LHFPL3: variants seen among roughly 807,000 people sequenced by gnomAD.
LHFPL3 encodes LHFPL tetraspan subfamily member 3.
Under a neutral mutation model 19.3 loss-of-function variants are expected in LHFPL3, and 5 were observed. That is an observed-to-expected ratio of 0.26 (90% CI 0.14 to 0.54). The LOEUF (loss-of-function observed/expected upper bound fraction) is 0.54. Among genes scored for constraint, LHFPL3 ranks in the 20% least tolerant of loss-of-function variants. The probability of loss-of-function intolerance (pLI) is 0.94; values close to 1 mark genes in which losing one functional copy is unlikely to be tolerated. For missense variants in LHFPL3, 249 were observed against 307.4 expected, an observed-to-expected ratio of 0.81 and a Z score of 1.42; for synonymous variants, 133 against 126.2, an observed-to-expected ratio of 1.05 and a Z score of -0.36.
At chr7:104,488,438 A>G (rs2188172) in intron 1 of LHFPL3, among the ~76,000 whole-genome samples, 56,355 of 151,996 alleles carry the variant, frequency 0.37, 11,641 homozygotes, top group Middle Eastern at 0.52. Context: ...AAAAGGGCCA[A>G]GAAGGCAGTC....
intron 1 of LHFPL3, among the ~76,000 whole-genome samples, chr7:104,418,577 T>A (rs1299392888): frequency 6.6e-6 from 1 of 152,124 alleles, no homozygotes; most frequent in African/African-American, 2.4e-5. Flanking sequence ...TCGCTTTGAA[T>A]TAGTGAAAGA....
intron 1 of LHFPL3, among the ~76,000 whole-genome samples, chr7:104,558,423 T>C (rs1465845494): frequency 6.6e-6 from 1 of 151,896 alleles, no homozygotes; most frequent in African/African-American, 2.4e-5. Context: ...ATTTCTCTGA[T>C]GGCCAGTGAT....
At chr7:104,658,401 T>C (rs1792157817) in intron 1 of LHFPL3, among the ~76,000 whole-genome samples, 1 of 152,230 alleles carries the variant, frequency 6.6e-6, no homozygotes, top group Admixed American at 6.5e-5. Context: ...TTACTCCTTT[T>C]GCTACACAGC....
chr7:104,474,616 G>T (rs1000037390), intron 1 of LHFPL3, among the ~76,000 whole-genome samples: 1 of 139,744 alleles, frequency 7.2e-6, no homozygotes, highest in African/African-American at 2.7e-5. Context: ...GCAGTAAGCA[G>T]ATATTGTGCC....
chr7:104,476,648 C>T (rs138235716), intron 1 of LHFPL3, among the ~76,000 whole-genome samples: 4,168 of 152,168 alleles, frequency 0.027, 193 homozygotes, highest in African/African-American at 0.093. Flanking sequence ...TCAGTAGAGA[C>T]GGTGTTTCTC....
chr7:104,394,280 A>G (rs1286138251), intron 1 of LHFPL3, among the ~76,000 whole-genome samples: 1 of 152,198 alleles, frequency 6.6e-6, no homozygotes, highest in Non-Finnish European at 1.5e-5. Flanking sequence ...ATCATTTCTA[A>G]CAAGCTCCCA....
intron 1 of LHFPL3, among the ~76,000 whole-genome samples, chr7:104,497,074 A>G (rs984780516): frequency 2.6e-5 from 4 of 152,158 alleles, no homozygotes; most frequent in Non-Finnish European, 5.9e-5. Flanking sequence ...CTTGGACTAT[A>G]TGCTGGGTAA....
chr7:104,713,484 G>C (rs1793330305), intron 1 of LHFPL3, among the ~76,000 whole-genome samples: 2 of 152,106 alleles, frequency 1.3e-5, no homozygotes, highest in Non-Finnish European at 2.9e-5. Context: ...AGAGAGAAGG[G>C]GGAGGTGCTA....
At chr7:104,366,611 C>T (rs560059498) in intron 1 of LHFPL3, among the ~76,000 whole-genome samples, 2 of 152,308 alleles carry the variant, frequency 1.3e-5, no homozygotes, top group Admixed American at 6.5e-5. Flanking sequence ...CTATGACTGA[C>T]TTCACAAATA....
intron 2 of LHFPL3, among the ~76,000 whole-genome samples, chr7:104,775,737 A>G (rs12705277): frequency 0.24 from 36,918 of 152,102 alleles, 4,761 homozygotes; most frequent in East Asian, 0.46. Context: ...TTAGTCACTA[A>G]CTTTAAAAAT....
At chr7:104,406,351 T>A (rs1482359591) in intron 1 of LHFPL3, among the ~76,000 whole-genome samples, 1 of 152,146 alleles carries the variant, frequency 6.6e-6, no homozygotes, top group Non-Finnish European at 1.5e-5. Context: ...GTTGGAAATA[T>A]TAAGAGAGCA....
intron 1 of LHFPL3, among the ~76,000 whole-genome samples, chr7:104,707,705 G>A (rs1487946578): frequency 6.6e-6 from 1 of 152,118 alleles, no homozygotes; most frequent in Admixed American, 6.5e-5. Flanking sequence ...GGTTATAGAG[G>A]CCATGCTTTC....
rs553572479 is a variant in LHFPL3, at chr7:104,752,155, C to T, written c.682+15244C>T. On this transcript the variant is annotated intron_variant, in intron 2 of 2. Transcript: ENST00000424859. ...GAGGACTTGTGCCTCGTGGTTTAGA[C>T]TCTGATGGCCCCACTAATTCGGGAC... Among the ~76,000 whole-genome samples, 7 of 152,278 alleles carry T rather than the reference C, an allele frequency of 4.6e-5. No individual in the cohort carries two copies. The South Asian group carries it at 1.0e-3, about 23-fold the overall frequency.
intron 1 of LHFPL3, among the ~76,000 whole-genome samples, chr7:104,445,073 G>C (rs1792305099): frequency 6.6e-6 from 1 of 152,066 alleles, no homozygotes; most frequent in Non-Finnish European, 1.5e-5. Context: ...TGAAGTTTTG[G>C]GTTGCCTAGG....
In LHFPL3 at chr7:104,779,696, T is replaced by C. The variant is rs80048505; in HGVS notation, c.682+42785T>C. On this transcript the variant is annotated intron_variant, in intron 2 of 2. Transcript: ENST00000424859. ...CTCTAGTGTTTGTTTCCTTGCTTTC[T>C]TCCTTTGTCCATGAACACTGATTCA... Among the ~76,000 whole-genome samples the C allele has an allele frequency of 4.2e-3, 634 of 152,356 alleles. 4 individuals carry two copies. The highest frequency in any genetic ancestry group is 0.014 in the African/African-American group (578 of 41,590).
intron 1 of LHFPL3, among the ~76,000 whole-genome samples, chr7:104,609,450 T>C (rs866426406): frequency 6.6e-6 from 1 of 152,172 alleles, no homozygotes; most frequent in Non-Finnish European, 1.5e-5. Context: ...TTTTTTACTT[T>C]GAAGTAAATA....
intron 1 of LHFPL3, among the ~76,000 whole-genome samples, chr7:104,730,456 A>G (rs1793678665): frequency 6.6e-6 from 1 of 152,110 alleles, no homozygotes; most frequent in African/African-American, 2.4e-5. Context: ...GTCAGATGAT[A>G]CCTCATTGTG....
chr7:104,494,979 A>G (rs41016), intron 1 of LHFPL3, among the ~76,000 whole-genome samples: 113,454 of 152,000 alleles, frequency 0.75, 42,712 homozygotes, highest in African/African-American at 0.79. Context: ...ACCAGTTTCC[A>G]CTTCCAAACC....
intron 1 of LHFPL3, among the ~76,000 whole-genome samples, chr7:104,597,253 A>T (rs539074487): frequency 1.3e-5 from 2 of 152,338 alleles, no homozygotes; most frequent in East Asian, 3.9e-4. Context: ...TTTCTTTTGC[A>T]TATTACTTAA....
Sources: gnomAD v4.1 joint callset for allele counts (sites outside exome capture counted in the v4.1 genomes callset) on GRCh38, gnomAD v4.1.1 for gene constraint, MANE v1.5 for transcripts, NCBI Gene and HGNC (gene_info 2026-07-23, HGNC 2026-07-21) for gene names.